Variants in LRRC58 observed in about 807,000 individuals in gnomAD.
The protein encoded by LRRC58 is leucine rich repeat containing 58.
A neutral mutation model predicts 30.6 loss-of-function variants in LRRC58; 18 were observed. The observed-to-expected ratio is 0.59, with a 90% CI of 0.41 to 0.87. The LOEUF (loss-of-function observed/expected upper bound fraction) is 0.87, where lower values mean the gene tolerates loss of function less well. Among genes scored for constraint, LRRC58 ranks in the 40% least tolerant of loss-of-function variants. The pLI, the probability that LRRC58 is intolerant of heterozygous loss-of-function variation, is 0.00. For missense variants in LRRC58, 420 were observed against 468.4 expected, an observed-to-expected ratio of 0.90 and a Z score of 0.95; for synonymous variants, 221 against 206.0, an observed-to-expected ratio of 1.07 and a Z score of -0.62.
rs1935724369 is a variant in LRRC58, at chr3:120,329,465, AAAC to A, written c.*1732_*1734del. ...ATAGAAAATTTCTGAGTCAAAAGGAAAACAAAATCTTACTACATTATAACAAGG... is the reference window on the plus strand; with the variant it reads ...ATAGAAAATTTCTGAGTCAAAAGGAAAAAATCTTACTACATTATAACAAGG... On this transcript the variant is annotated 3_prime_UTR_variant, in exon 4 of 4. Transcript: ENST00000295628. 6 of 152,126 alleles carry A rather than the reference AAAC, an allele frequency of 3.9e-5. No homozygotes were observed. The highest frequency in any genetic ancestry group is 3.9e-4 in the Admixed American group (6 of 15,272). 9.4% of individuals were successfully genotyped at this position (152,126 alleles called of 1,614,324 possible). A position where few individuals can be genotyped will look rare whatever the true frequency, so the allele number is the denominator to read the frequency against.
intron 1 of LRRC58, among the ~76,000 whole-genome samples, chr3:120,347,081 C>A (rs532095593): frequency 2.4e-4 from 37 of 152,300 alleles, no homozygotes; most frequent in African/African-American, 8.7e-4. Context: ...TGTCTCAAGG[C>A]ATTCTGTAGG....
intron 3 of LRRC58, among the ~76,000 whole-genome samples, chr3:120,333,917 A>T (rs1212277836): frequency 6.6e-6 from 1 of 152,122 alleles, no homozygotes; most frequent in East Asian, 1.9e-4. Context: ...TCAAAATCTA[A>T]TTCATACCTC....
At chr3:120,335,269 T>A in intron 2 of LRRC58, 130 bp from the exon 3 acceptor site, 1 of 784,050 alleles carries the variant, frequency 1.3e-6, no homozygotes, top group Non-Finnish European at 2.0e-6. Flanking sequence ...TCAATTGAAG[T>A]AAAATAAAAA....
Position 120,328,010 on chromosome 3 carries a change from G to A in LRRC58, c.*3190C>T, listed in dbSNP as rs1432095875. On this transcript the variant is annotated 3_prime_UTR_variant, in exon 4 of 4. Coordinates refer to ENST00000295628, the MANE Select transcript of LRRC58 (RefSeq NM_001099678.2). ...GATCCATCCACTTCGGCCTCCCAAA[G>A]TGCTAAGATTATAGGTGTGTGCCAC... 2 of 152,178 alleles carry A rather than the reference G, an allele frequency of 1.3e-5. No homozygotes were observed. The highest frequency in any genetic ancestry group is 2.9e-5 in the Non-Finnish European group (2 of 68,038). 9.4% of individuals were successfully genotyped at this position (152,178 alleles called of 1,614,324 possible).
At chr3:120,334,194 A>C (rs2107622313) in intron 3 of LRRC58, among the ~76,000 whole-genome samples, 1 of 152,334 alleles carries the variant, frequency 6.6e-6, no homozygotes, top group African/African-American at 2.4e-5. Context: ...GAGTCTAAGA[A>C]AACATCATTC....
At chr3:120,338,961 G>A (rs1038824195) in intron 1 of LRRC58, among the ~76,000 whole-genome samples, 3 of 152,190 alleles carry the variant, frequency 2.0e-5, no homozygotes, top group African/African-American at 7.2e-5. Context: ...TACTTCAGAT[G>A]AGAAATGACA....
intron 1 of LRRC58, among the ~76,000 whole-genome samples, chr3:120,337,986 G>C (rs1935856861): frequency 6.6e-6 from 1 of 152,056 alleles, no homozygotes; most frequent in Non-Finnish European, 1.5e-5. Context: ...AGGATTACAG[G>C]TCCCTGCCAC....
At position 120,329,954 on chromosome 3, in the gene LRRC58, G is replaced by A. The variant is rs1559992433; in HGVS notation, c.*1246C>T. 6.6e-6 allele frequency: 1 copy of A among 151,754 alleles called. No individual in the cohort carries two copies. 9.4% of individuals were successfully genotyped at this position (151,754 alleles called of 1,614,324 possible). A position where few individuals can be genotyped will look rare whatever the true frequency, so the allele number is the denominator to read the frequency against. On this transcript the variant is annotated 3_prime_UTR_variant, in exon 4 of 4. Transcript: ENST00000295628. ...AACTATTTTCCTGCTATACATTAAGGATACAATATATTTAATAATTTTTTT... is the reference window on the plus strand; with the variant it reads ...AACTATTTTCCTGCTATACATTAAGAATACAATATATTTAATAATTTTTTT...
chr3:120,331,104 A>G lies in LRRC58; in HGVS notation c.*96T>C. 1 of 1,034,470 alleles carries G rather than the reference A, an allele frequency of 9.7e-7. No individual in the cohort carries two copies. The highest frequency in any genetic ancestry group is 1.4e-5 in the South Asian group (1 of 69,554). 64.1% of individuals were successfully genotyped at this position (1,034,470 alleles called of 1,614,324 possible). ...CCAGACTCTTTGATGAACACTTAAGATGAAGATAAGATTTCTAGTGAACTT... is the reference window on the plus strand; with the variant it reads ...CCAGACTCTTTGATGAACACTTAAGGTGAAGATAAGATTTCTAGTGAACTT... On this transcript the variant is annotated 3_prime_UTR_variant, in exon 4 of 4. Transcript: ENST00000295628.
intron 3 of LRRC58, 110 bp downstream of exon 3, chr3:120,334,752 G>A: frequency 9.8e-7 from 1 of 1,023,966 alleles, no homozygotes. Flanking sequence ...TCATAAATGA[G>A]TGAAAAAATA....
chr3:120,340,975 C>T (rs1240500587), intron 1 of LRRC58, among the ~76,000 whole-genome samples: 1 of 152,094 alleles, frequency 6.6e-6, no homozygotes. Flanking sequence ...TTCAAAATTC[C>T]ATTTCTCTCT....
chr3:120,335,167 T>A (rs990924304), intron 2 of LRRC58, 28 bp from the exon 3 acceptor site: 1 of 1,592,134 alleles, frequency 6.3e-7, no homozygotes, highest in Admixed American at 1.7e-5. Context: ...GAAAAATCAA[T>A]GGCAGTAAAC....
rs1935646381 is a variant in LRRC58, at chr3:120,324,514, G to A, written c.*6686C>T. 6.6e-6 allele frequency: 1 copy of A among 152,142 alleles called. No individual in the cohort carries two copies. Among genetic ancestry groups the A allele is most frequent in the East Asian group, 1.9e-4 (1 of 5,198 alleles). 9.4% of individuals were successfully genotyped at this position (152,142 alleles called of 1,614,324 possible). On this transcript the variant is annotated 3_prime_UTR_variant, in exon 4 of 4. Coordinates refer to ENST00000295628, the MANE Select transcript of LRRC58 (RefSeq NM_001099678.2). The stretch of plus-strand genomic sequence containing the variant: ...CCATTGCATCTAGAACAGAGTCAAT[G>A]TTAGTACATATTTAATGTATGTATT...
chr3:120,332,637 G>T (rs2107621678), intron 3 of LRRC58, among the ~76,000 whole-genome samples: 1 of 152,232 alleles, frequency 6.6e-6, no homozygotes, highest in East Asian at 1.9e-4. Flanking sequence ...ACAAAGAAAA[G>T]TATCTCTGAG....
Position 120,349,220 on chromosome 3 carries a change from C to T in LRRC58, c.24G>A (p.Val8=). The change falls in exon 1 of 4, where the codon GTG becomes GTA. Residue 8 remains valine, a synonymous_variant. Coordinates refer to ENST00000295628, the MANE Select transcript of LRRC58 (RefSeq NM_001099678.2). ...TCAGTTCGGCCTCCCCGGCCGTGAC[C>T]ACCGCTGCTCCGGCCTCCTCCATCC... is the stretch of plus-strand genomic sequence containing the variant. The part of the protein sequence containing the change: MEEAGAA[V]VTAGEAELNW... The T allele has an allele frequency of 7.0e-7, 1 of 1,419,674 alleles. No homozygotes were observed. Among genetic ancestry groups the T allele is most frequent in the South Asian group, 1.5e-5 (1 of 68,836 alleles). The allele number at this position is 1,419,674 out of a possible 1,614,324, so 87.9% of individuals were successfully genotyped here.
chr3:120,348,304 A>G (rs1438107690), intron 1 of LRRC58, among the ~76,000 whole-genome samples: 1 of 152,212 alleles, frequency 6.6e-6, no homozygotes, highest in African/African-American at 2.4e-5. Flanking sequence ...ACTGCCACAG[A>G]GAAGAGGAAG....
intron 1 of LRRC58, among the ~76,000 whole-genome samples, chr3:120,339,850 GTTTTTTAATTT>G (rs1302308151): frequency 2.0e-5 from 3 of 152,024 alleles, no homozygotes; most frequent in East Asian, 1.9e-4. Context: ...GCTCTTAACA[GTTTTTTAATTT>G]TTTTTTAATT....
intron 1 of LRRC58, among the ~76,000 whole-genome samples, chr3:120,346,407 A>C (rs1029811934): frequency 6.6e-6 from 1 of 152,194 alleles, no homozygotes; most frequent in Non-Finnish European, 1.5e-5. Flanking sequence ...ATACAGTTCC[A>C]ATGCTTACTA....
intron 1 of LRRC58, among the ~76,000 whole-genome samples, chr3:120,340,303 T>C (rs1163482248): frequency 6.6e-6 from 1 of 152,254 alleles, no homozygotes; most frequent in Non-Finnish European, 1.5e-5. Context: ...TTCAGCTGAC[T>C]TCTGTCCACC....
Sources: gnomAD v4.1 joint callset for allele counts (sites outside exome capture counted in the v4.1 genomes callset) on GRCh38, gnomAD v4.1.1 for gene constraint, MANE v1.5 for transcripts, NCBI Gene and HGNC (gene_info 2026-07-23, HGNC 2026-07-21) for gene names.